The following DLGAP1 variants were observed in gnomAD, a reference collection of about 807,000 sequenced individuals.
DLGAP1 encodes disks large-associated protein 1.
DLGAP1 carries 11 observed loss-of-function variants against 90.8 expected under a neutral mutation model. That is an observed-to-expected ratio of 0.12 (90% CI 0.08 to 0.20). DLGAP1 has a LOEUF of 0.20. DLGAP1 is among the 10% of genes least tolerant of loss of function. The probability of loss-of-function intolerance (pLI) is 1.00; values close to 1 mark genes in which losing one functional copy is unlikely to be tolerated. For missense variants in DLGAP1, 1,050 were observed against 1,333.8 expected, an observed-to-expected ratio of 0.79 and a Z score of 3.31; for synonymous variants, 558 against 540.7, an observed-to-expected ratio of 1.03 and a Z score of -0.44.
At chr18:3,730,280 C>A (rs2062373788) in intron 6 of DLGAP1, among the ~76,000 whole-genome samples, 1 of 99,796 alleles carries the variant, frequency 1.0e-5, no homozygotes, top group African/African-American at 4.1e-5. Flanking sequence ...AACAAAAAAC[C>A]TGATAAGATT....
chr18:4,234,620 T>C (rs2078367379), intron 1 of DLGAP1, among the ~76,000 whole-genome samples: 1 of 152,194 alleles, frequency 6.6e-6, no homozygotes. Context: ...CTTTTGTTCT[T>C]CAAATTATAA....
intron 3 of DLGAP1, among the ~76,000 whole-genome samples, chr18:3,944,036 T>C (rs1454033153): frequency 6.6e-6 from 1 of 152,226 alleles, no homozygotes; most frequent in African/African-American, 2.4e-5. Flanking sequence ...CCACTCAGTA[T>C]GTGGTACTTT....
intron 1 of DLGAP1, among the ~76,000 whole-genome samples, chr18:4,340,542 T>C (rs947232678): frequency 2.6e-5 from 4 of 152,010 alleles, no homozygotes; most frequent in African/African-American, 9.7e-5. Flanking sequence ...TATACAGACT[T>C]AAAATTCAAA....
At chr18:3,694,640 A>C (rs1275734011) in intron 7 of DLGAP1, among the ~76,000 whole-genome samples, 1 of 152,194 alleles carries the variant, frequency 6.6e-6, no homozygotes, top group African/African-American at 2.4e-5. Context: ...ACAAGTGATG[A>C]TGAACATTTT....
At chr18:4,333,532 T>C (rs1401528593) in intron 1 of DLGAP1, among the ~76,000 whole-genome samples, 2 of 151,280 alleles carry the variant, frequency 1.3e-5, no homozygotes, top group Admixed American at 6.6e-5. Flanking sequence ...ACCATATCTT[T>C]AGATTAAAAA....
At chr18:3,506,541 G>A (rs393394) in intron 11 of DLGAP1, among the ~76,000 whole-genome samples, 126,744 of 133,400 alleles carry the variant, frequency 0.95, 60,521 homozygotes, top group Non-Finnish European at 1. Context: ...AAAAAAAGTG[G>A]AACTCCATGT....
chr18:4,385,974 T>C lies in DLGAP1; in HGVS notation c.-267+69032A>G, dbSNP rs75808312. 4.2e-3 allele frequency among the ~76,000 whole-genome samples: 638 copies of C among 152,208 alleles called. 12 individuals are homozygous for C. The East Asian group carries it at 0.073, about 17-fold the overall frequency. Reference sequence around the variant, plus strand: ...AAGCACAGAAAAGCACAAAGAAATATATGGAATGAGAACTGGGACTTTAAG... The same window carrying C: ...AAGCACAGAAAAGCACAAAGAAATACATGGAATGAGAACTGGGACTTTAAG... On this transcript the variant is annotated intron_variant, in intron 1 of 12. Transcript: ENST00000315677.
intron 5 of DLGAP1, among the ~76,000 whole-genome samples, chr18:3,813,267 ATACT>A (rs1253004303): frequency 3.9e-5 from 6 of 152,236 alleles, no homozygotes; most frequent in East Asian, 3.8e-4. Context: ...ACATAAACAA[ATACT>A]TACCATTGTG....
intron 1 of DLGAP1, among the ~76,000 whole-genome samples, chr18:4,394,772 G>A (rs921901959): frequency 1.3e-5 from 2 of 152,110 alleles, no homozygotes; most frequent in African/African-American, 4.8e-5. Flanking sequence ...AATTAGTAAG[G>A]TTCTTATGCC....
chr18:3,510,031 A>C (rs2050453975), intron 10 of DLGAP1, among the ~76,000 whole-genome samples: 1 of 152,180 alleles, frequency 6.6e-6, no homozygotes, highest in Non-Finnish European at 1.5e-5. Flanking sequence ...TCTTAGGCCT[A>C]AGTTTTTAAC....
chr18:3,677,809 C>T (rs1404473592), intron 7 of DLGAP1, among the ~76,000 whole-genome samples: 5 of 151,984 alleles, frequency 3.3e-5, no homozygotes, highest in African/African-American at 1.2e-4. Context: ...CAGGTGCTTG[C>T]CACCATGCCC....
chr18:4,079,853 A>G (rs1342296568), intron 2 of DLGAP1, among the ~76,000 whole-genome samples: 1 of 152,140 alleles, frequency 6.6e-6, no homozygotes, highest in African/African-American at 2.4e-5. Context: ...ACATCCTAGG[A>G]GTAGCAATAG....
intron 7 of DLGAP1, among the ~76,000 whole-genome samples, chr18:3,620,715 G>A (rs1049254010): frequency 6.6e-6 from 1 of 151,916 alleles, no homozygotes; most frequent in South Asian, 2.1e-4. Flanking sequence ...CCACTACCAC[G>A]CCCGGCTGAT....
At chr18:3,752,588 T>A (rs368593867) in intron 5 of DLGAP1, among the ~76,000 whole-genome samples, 1 of 132,222 alleles carries the variant, frequency 7.6e-6, no homozygotes, top group African/African-American at 2.8e-5. Flanking sequence ...CTTCTCTCTC[T>A]TTCTCTCTCT....
At chr18:3,501,949 G>GAAAAAAAAAAAAAAAAAAAAACAAAAAA (rs36071304) in intron 12 of DLGAP1, among the ~76,000 whole-genome samples, 1 of 109,374 alleles carries the variant, frequency 9.1e-6, no homozygotes, top group Non-Finnish European at 1.8e-5. Context: ...AAACTGTTTT[G>GAAAAAAAAAAAAAAAAAAAAACAAAAAA]AAAAAAAAAA....
At chr18:4,452,341 AAAG>A (rs941646004) in intron 1 of DLGAP1, among the ~76,000 whole-genome samples, 17 of 152,188 alleles carry the variant, frequency 1.1e-4, no homozygotes, top group African/African-American at 3.6e-4. Context: ...GTTGATGTTC[AAAG>A]AATATGGTAT....
chr18:4,198,529 T>C lies in DLGAP1; in HGVS notation c.-266-47242A>G, dbSNP rs369684856. Among the ~76,000 whole-genome samples, 32 of 152,348 alleles carry C rather than the reference T, an allele frequency of 2.1e-4. 3 individuals are homozygous for C. Among genetic ancestry groups the C allele is most frequent in the Admixed American group, 3.9e-4 (6 of 15,304 alleles). On this transcript the variant is annotated intron_variant, in intron 1 of 12. Coordinates refer to ENST00000315677, the MANE Select transcript of DLGAP1 (RefSeq NM_004746.4). Reference sequence around the variant, plus strand: ...TTAACGCATCAGACAGTTGTCACCCTTTCTAATCCTTTAAAAATAGTTTAG... The same window carrying C: ...TTAACGCATCAGACAGTTGTCACCCCTTCTAATCCTTTAAAAATAGTTTAG...
chr18:4,083,769 C>T (rs937345253), intron 2 of DLGAP1, among the ~76,000 whole-genome samples: 2 of 152,032 alleles, frequency 1.3e-5, no homozygotes, highest in African/African-American at 4.8e-5. Context: ...TCATGGGGAG[C>T]GTGGGCTCTG....
chr18:3,575,991 A>G (rs544396578), intron 8 of DLGAP1, among the ~76,000 whole-genome samples: 2 of 152,332 alleles, frequency 1.3e-5, no homozygotes, highest in African/African-American at 4.8e-5. Flanking sequence ...TGAAGGAAAC[A>G]GCACATTTAT....
Sources: allele counts gnomAD v4.1 joint callset (sites outside exome capture counted in the v4.1 genomes callset), GRCh38; gene constraint gnomAD v4.1.1; transcripts MANE v1.5; gene names NCBI Gene and HGNC (gene_info 2026-07-23, HGNC 2026-07-21).